The following PIF1 variants were observed in gnomAD, a reference collection of about 807,000 sequenced individuals.
The protein encoded by PIF1 is ATP-dependent DNA helicase PIF1.
Under a neutral mutation model 62.3 loss-of-function variants are expected in PIF1, and 67 were observed. That is an observed-to-expected ratio of 1.08 (90% confidence interval 0.88 to 1.32). PIF1 has a LOEUF of 1.32. PIF1 is among the 40% of genes most tolerant of loss of function. The probability of loss-of-function intolerance (pLI) is 0.00; values close to 1 mark genes in which losing one functional copy is unlikely to be tolerated. For synonymous variants in PIF1, 364 were observed against 379.5 expected (o/e 0.96, Z 0.47); for missense variants, 886 against 866.1 (o/e 1.02, Z -0.29).
chr15:64,816,431 T>A, intron 12 of PIF1, 74 bp from the exon 13 acceptor site: 1 of 1,606,490 alleles, frequency 6.2e-7, no homozygotes, highest in Admixed American at 1.7e-5. Flanking sequence ...GGCCAGCATC[T>A]CTTTCCTTTT....
upstream of PIF1, among the ~76,000 whole-genome samples, chr15:64,826,663 TATACAC>T (rs1358571895): frequency 8.5e-3 from 233 of 27,310 alleles, 4 homozygotes; most frequent in African/African-American, 0.023. Flanking sequence ...TATATATATA[TATACAC>T]ACACACACAC....
chr15:64,824,879 G>GTA (rs748218925), intron 1 of PIF1, among the ~76,000 whole-genome samples: 5,385 of 119,512 alleles, frequency 0.045, 160 homozygotes, highest in African/African-American at 0.078. Context: ...GTGTGTGTGT[G>GTA]TGTGTATATA....
intron 9 of PIF1, chr15:64,818,555 T>C (rs751997854): frequency 2.5e-5 from 14 of 563,644 alleles, no homozygotes; most frequent in Middle Eastern, 3.9e-4. Flanking sequence ...AGAGGAATAA[T>C]ATTTGCTCAA....
At chr15:64,824,383 T>G in intron 1 of PIF1, 29 bp from the exon 2 acceptor site, 1 of 1,230,698 alleles carries the variant, frequency 8.1e-7, no homozygotes, top group Non-Finnish European at 1.0e-6. Context: ...ACAGGGGTCA[T>G]GAGGATTCAT....
In PIF1 at chr15:64,821,635, G is replaced by T. The variant is rs577034306; in HGVS notation, c.818-115C>A. The T allele has an allele frequency of 1.2e-5, 16 of 1,292,142 alleles. No individual in the cohort carries two copies. In the African/African-American group the frequency reaches 2.4e-4, roughly 19 times the overall value. 80.0% of individuals were successfully genotyped at this position (1,292,142 alleles called of 1,614,324 possible). Reference sequence around the variant, plus strand: ...CACCCAGGCTGAAGTGCAGTGGCACGATCTTGGCTCACTGTAACCTGGGCC... The same window carrying T: ...CACCCAGGCTGAAGTGCAGTGGCACTATCTTGGCTCACTGTAACCTGGGCC... On this transcript the variant is annotated intron_variant, in intron 4 of 12. Transcript: ENST00000559239.
Position 64,816,628 on chromosome 15 carries a change from G to T in PIF1, c.1812C>A (p.Asp604Glu), listed in dbSNP as rs762125634. 2.5e-6 allele frequency: 4 copies of T among 1,614,078 alleles called. No homozygotes were observed. The highest frequency in any genetic ancestry group is 3.4e-6 in the Non-Finnish European group (4 of 1,180,004). ...TGGCATAGAAGTGCAGCACACGGGGGTCACAGCGAACCGCCATGGGGTCAA... is the reference window on the plus strand; with the variant it reads ...TGGCATAGAAGTGCAGCACACGGGGTTCACAGCGAACCGCCATGGGGTCAA... ...LDFDPMAVRC[D>E]PRVLHFYATL... Residue 604 changes from aspartate to glutamate, a missense_variant, in exon 12 of 13, where the codon GAC becomes GAA. Physicochemically the swap from Asp to Glu is conservative, Grantham distance 45 (BLOSUM62 2). Coordinates refer to ENST00000559239, the MANE Select transcript of PIF1 (RefSeq NM_001286496.2).
Position 64,823,989 on chromosome 15 carries a change from A to G in PIF1, c.347T>C (p.Phe116Ser), listed in dbSNP as rs775332201. The G allele has an allele frequency of 7.2e-5, 94 of 1,300,236 alleles. No individual in the cohort carries two copies. Among genetic ancestry groups the G allele is most frequent in the Non-Finnish European group, 8.9e-5 (91 of 1,024,260 alleles). 80.5% of individuals were successfully genotyped at this position (1,300,236 alleles called of 1,614,324 possible). Residue 116 changes from phenylalanine to serine, a missense_variant, in exon 2 of 13, where the codon TTC (phenylalanine) becomes TCC (serine). Coordinates refer to ENST00000559239, the MANE Select transcript of PIF1 (RefSeq NM_001286496.2). ...SDCPPDRLRR[F>S]LRTLRLKLAA... ...CAGCTTGAGGCGCAATGTGCGCAGG[A>G]AGCGGCGCAGGCGGTCTGGGGGGCA... is the stretch of plus-strand genomic sequence containing the variant.
chr15:64,820,714 C>T (rs1365731086), intron 7 of PIF1, among the ~76,000 whole-genome samples: 2 of 152,102 alleles, frequency 1.3e-5, no homozygotes, highest in African/African-American at 4.8e-5. Context: ...TACTTTATGC[C>T]AGGCCTTGTG....
chr15:64,820,860 C>T, intron 7 of PIF1, 122 bp downstream of exon 7: 2 of 834,636 alleles, frequency 2.4e-6, no homozygotes, highest in South Asian at 3.2e-5. Context: ...CCTCTTCCTG[C>T]ATGGAGTGCT....
rs200596840 is a variant in PIF1 at position 64,820,977 on chromosome 15, C to T, written c.1193+5G>A. The T allele has an allele frequency of 1.2e-5, 20 of 1,612,750 alleles. No individual in the cohort carries two copies. In the East Asian group the frequency reaches 4.2e-4, roughly 34 times the overall value. On this transcript the variant is annotated splice_donor_5th_base_variant and intron_variant, in intron 7 of 12. Transcript: ENST00000559239. ...ATAGCCCCTTCCCCAACCAGCAGAG[C>T]TCACCTGCCTAGCCTCACGGCCTGC...
chr15:64,826,750 A>C (rs1044389385), upstream of PIF1, among the ~76,000 whole-genome samples: 1 of 141,918 alleles, frequency 7.0e-6, no homozygotes, highest in Non-Finnish European at 1.6e-5. Context: ...ACACACACAT[A>C]TATATATATA....
chr15:64,819,277 C>T, intron 8 of PIF1, 54 bp from the exon 9 acceptor site: 1 of 1,218,130 alleles, frequency 8.2e-7, no homozygotes, highest in Non-Finnish European at 1.2e-6. Flanking sequence ...TGTGACTCAG[C>T]ATCCCAAAAA....
intron 9 of PIF1, chr15:64,818,709 A>G (rs1211592677): frequency 6.3e-6 from 2 of 315,096 alleles, no homozygotes; most frequent in Admixed American, 4.8e-5. Context: ...TCTCAGATAC[A>G]CTGTGCCTGC....
Position 64,823,835 on chromosome 15 carries a change from C to T in PIF1, c.501G>A (p.Pro167=), listed in dbSNP as rs201870033. Residue 167 remains proline (P), a synonymous_variant, in exon 2 of 13, where the codon CCG becomes CCA. Transcript: ENST00000559239. ...CAGGCCGCTTCACCAGCGTAGTGTC[C>T]GGAACCCGGGTGGCCGCCCTGAGCC... ...ERRLRAATRV[P]DTTLVKRPVE... The T allele has an allele frequency of 1.4e-5, 19 of 1,374,818 alleles. No homozygotes were observed. Among genetic ancestry groups the T allele is most frequent in the Non-Finnish European group, 5.7e-6 (6 of 1,053,836 alleles). The allele number at this position is 1,374,818 out of a possible 1,614,324, so 85.2% of individuals were successfully genotyped here.
chr15:64,817,178 T>C (rs1027513915), intron 11 of PIF1, among the ~76,000 whole-genome samples: 1 of 151,800 alleles, frequency 6.6e-6, no homozygotes, highest in African/African-American at 2.4e-5. Flanking sequence ...GCTTAGAAAA[T>C]GGTGGGGCAG....
Position 64,822,311 on chromosome 15 carries a change from C to A in PIF1, c.772G>T (p.Val258Leu). 1 of 1,613,468 alleles carries A rather than the reference C, an allele frequency of 6.2e-7. No individual in the cohort carries two copies. Among genetic ancestry groups the A allele is most frequent in the Non-Finnish European group, 8.5e-7 (1 of 1,179,920 alleles). The stretch of plus-strand genomic sequence containing the variant: ...GTGCCCCCGATGTGGCAGGCTGCCA[C>A]CCCAGTGCTGGCAGTGGCCACAGTG... ...TGTVATASTGVAACHIGGTTL... is the reference protein window; with the variant it reads ...TGTVATASTGLAACHIGGTTL... Residue 258 changes from valine to leucine, a missense_variant, in exon 4 of 13, where the codon GTG becomes TTG. Transcript: ENST00000559239.
chr15:64,816,420 G>A (rs2084183772), intron 12 of PIF1, 63 bp from the exon 13 acceptor site: 1 of 1,609,564 alleles, frequency 6.2e-7, no homozygotes. Flanking sequence ...CATAACCTGG[G>A]GGCCAGCATC....
At chr15:64,826,665 T>TATATATATATACATACAC (rs796684934), upstream of PIF1, among the ~76,000 whole-genome samples, 2 of 42,790 alleles carry the variant, frequency 4.7e-5, no homozygotes, top group African/African-American at 1.9e-4. Context: ...TATATATATA[T>TATATATATATACATACAC]ACACACACAC....
rs1464317933 is a variant in PIF1 at position 64,815,706 on chromosome 15, A to G, written c.*592T>C. ...AACATCCATTTCAATGTCCCCAAAC[A>G]CTATTTATCCCCTGAAAAAGCAGCT... On this transcript the variant is annotated 3_prime_UTR_variant, in exon 13 of 13. Coordinates refer to ENST00000559239, the MANE Select transcript of PIF1 (RefSeq NM_001286496.2). The G allele has an allele frequency of 1.9e-6, 3 of 1,549,872 alleles. No individual in the cohort carries two copies. The highest frequency in any genetic ancestry group is 2.6e-6 in the Non-Finnish European group (3 of 1,146,766).
Sources: allele counts gnomAD v4.1 joint callset (sites outside exome capture counted in the v4.1 genomes callset), GRCh38; gene constraint gnomAD v4.1.1; transcripts MANE v1.5; gene names NCBI Gene and HGNC (gene_info 2026-07-23, HGNC 2026-07-21).